ERVMER34-1: variants seen among roughly 807,000 people sequenced by gnomAD.
The protein encoded by ERVMER34-1 is endogenous retrovirus group MER34 member 1, envelope.
For missense variants in ERVMER34-1, 471 were observed against 295.1 expected (o/e 1.60, Z -4.37); for synonymous variants, 199 against 111.7 (o/e 1.78, Z -4.93).
intron 2 of ERVMER34-1, among the ~76,000 whole-genome samples, chr4:52,747,902 C>A (rs9994386): frequency 6.6e-6 from 1 of 152,078 alleles, no homozygotes; most frequent in East Asian, 1.9e-4. Context: ...CCAGGCGTGG[C>A]GGCATATGCC....
Position 52,745,246 on chromosome 4 carries a change from G to T in ERVMER34-1, c.275C>A (p.Thr92Asn), listed in dbSNP as rs769462408. ...CCAAGTCACTTTACGATAGGAGGAA[G>T]TAGAGTGATTCTGTACTTCTGCTTG... ...YPQAEVQNHS[T>N]SSYRKVTWHW... The change falls in exon 3 of 3, where the codon ACT (threonine) becomes AAT (asparagine). Residue 92 changes from threonine (T) to asparagine (N), a missense_variant. Coordinates refer to ENST00000443173, the MANE Select transcript of ERVMER34-1 (RefSeq NM_001242690.2). The T allele has an allele frequency of 4.4e-5, 31 of 704,080 alleles. No homozygotes were observed. The highest frequency in any genetic ancestry group is 4.1e-4 in the South Asian group (28 of 67,600). The allele number at this position is 704,080 out of a possible 1,614,324, so 43.6% of individuals were successfully genotyped here.
chr4:52,744,270 G>A lies in ERVMER34-1; in HGVS notation c.1251C>T (p.Ala417=), dbSNP rs974424081. The A allele has an allele frequency of 7.1e-6, 5 of 704,124 alleles. No homozygotes were observed. Among genetic ancestry groups the A allele is most frequent in the Admixed American group, 6.0e-5 (3 of 50,018 alleles). 43.6% of individuals were successfully genotyped at this position (704,124 alleles called of 1,614,324 possible). A position where few individuals can be genotyped will look rare whatever the true frequency, so the allele number is the denominator to read the frequency against. ...AGACATGATCCTTTCGGGATGCAGA[G>A]GCTAAACTGCTAACTTTTGATTGGT... is the stretch of plus-strand genomic sequence containing the variant. ...EAHQSKVSSL[A]SASRKDHVLD... The change falls in exon 3 of 3, where the codon GCC becomes GCT. Residue 417 remains alanine (A), a synonymous_variant. Transcript: ENST00000443173.
rs777686965 is a variant in ERVMER34-1 at position 52,745,143 on chromosome 4, G to T, written c.378C>A (p.Cys126Ter). The T allele has an allele frequency of 4.3e-6, 3 of 704,006 alleles. No individual in the cohort carries two copies. The highest frequency in any genetic ancestry group is 1.5e-5 in the South Asian group (1 of 67,600). The allele number at this position is 704,006 out of a possible 1,614,324, so 43.6% of individuals were successfully genotyped here. ...GTCCACTGCCATTTTTATTTTCTAC[G>T]CAAAGAGAAAAATTTCCCTCCAATA... ...VRLLEGNFSLCVENKNGSGPF... is the reference protein window; with the variant it reads ...VRLLEGNFSL The change falls in exon 3 of 3, where the codon TGC (cysteine) becomes TGA (stop). Residue 126 changes from cysteine (C) to a stop codon, truncating the protein, a stop_gained. Transcript: ENST00000443173. LOFTEE classifies it low-confidence loss of function (END_TRUNC).
At chr4:52,746,058 A>G (rs1293185493) in intron 2 of ERVMER34-1, 115 bp from the exon 3 acceptor site, 2 of 154,408 alleles carry the variant, frequency 1.3e-5, no homozygotes, top group Admixed American at 1.3e-4. Context: ...TGAATTGTTC[A>G]CTGAAGTCCT....
Position 52,745,234 on chromosome 4 carries a change from C to A in ERVMER34-1, c.287G>T (p.Arg96Leu), listed in dbSNP as rs1455242905. 1.4e-6 allele frequency: 1 copy of A among 704,018 alleles called. No homozygotes were observed. Among genetic ancestry groups the A allele is most frequent in the Non-Finnish European group, 2.6e-6 (1 of 384,986 alleles). 43.6% of individuals were successfully genotyped at this position (704,018 alleles called of 1,614,324 possible). ...EVQNHSTSSYRKVTWHWEASM... is the reference protein window; with the variant it reads ...EVQNHSTSSYLKVTWHWEASM... ...GGCTTCCCAGTGCCAAGTCACTTTA[C>A]GATAGGAGGAAGTAGAGTGATTCTG... Residue 96 changes from arginine (R) to leucine (L), a missense_variant, in exon 3 of 3, where the codon CGT becomes CTT. Transcript: ENST00000443173.
Position 52,744,597 on chromosome 4 carries a change from C to T in ERVMER34-1, c.924G>A (p.Gly308=), listed in dbSNP as rs747989896. 1.4e-6 allele frequency: 1 copy of T among 704,024 alleles called. No homozygotes were observed. The highest frequency in any genetic ancestry group is 2.7e-5 in the East Asian group (1 of 37,280). The allele number at this position is 704,024 out of a possible 1,614,324, so 43.6% of individuals were successfully genotyped here. ...ATCGCCCAGACCATTTAGGTGGAAA[C>T]CCTTTGTACACCCCATTGCCGCACA... The part of the protein sequence containing the change: ...FFLCGNGVYK[G]FPPKWSGRCG... The change falls in exon 3 of 3, where the codon GGG becomes GGA. Residue 308 remains glycine (G), a synonymous_variant. Transcript: ENST00000443173.
rs1399753355 is a variant in ERVMER34-1, at chr4:52,745,774, C to T, written c.-254G>A. The T allele has an allele frequency of 1.4e-5, 7 of 492,268 alleles. No individual in the cohort carries two copies. The highest frequency in any genetic ancestry group is 1.5e-5 in the Non-Finnish European group (4 of 275,728). 30.5% of individuals were successfully genotyped at this position (492,268 alleles called of 1,614,324 possible). A position where few individuals can be genotyped will look rare whatever the true frequency, so the allele number is the denominator to read the frequency against. On this transcript the variant is annotated 5_prime_UTR_variant, in exon 3 of 3. Coordinates refer to ENST00000443173, the MANE Select transcript of ERVMER34-1 (RefSeq NM_001242690.2). The stretch of plus-strand genomic sequence containing the variant: ...TGAGGTAACCCATAGCCTTGGCCTT[C>T]CAGTTGTCATATAATGATCTCAATC...
chr4:52,748,545 C>T (rs910566371), intron 2 of ERVMER34-1, among the ~76,000 whole-genome samples: 1 of 152,120 alleles, frequency 6.6e-6, no homozygotes, highest in African/African-American at 2.4e-5. Flanking sequence ...CTCAAACTCA[C>T]CCGCAAAGGC....
rs1041780226 is a variant in ERVMER34-1 at position 52,743,072 on chromosome 4, G to C, written c.*757C>G. On this transcript the variant is annotated 3_prime_UTR_variant, in exon 3 of 3. Transcript: ENST00000443173. Reference sequence around the variant, plus strand: ...GGATTAACTAGAAAGATGCATGTAAGGAACTCACCAGAGGACTGGGCAGAG... The same window carrying C: ...GGATTAACTAGAAAGATGCATGTAACGAACTCACCAGAGGACTGGGCAGAG... 2 of 151,508 alleles carry C rather than the reference G, an allele frequency of 1.3e-5. No individual in the cohort carries two copies. The highest frequency in any genetic ancestry group is 4.9e-5 in the African/African-American group (2 of 41,204). 9.4% of individuals were successfully genotyped at this position (151,508 alleles called of 1,614,324 possible).
At position 52,743,746 on chromosome 4, in the gene ERVMER34-1, G is replaced by A. The variant is rs1408847414; in HGVS notation, c.*83C>T. The A allele has an allele frequency of 7.7e-7, 1 of 1,305,132 alleles. No individual in the cohort carries two copies. Among genetic ancestry groups the A allele is most frequent in the Non-Finnish European group, 1.0e-6 (1 of 981,420 alleles). 80.8% of individuals were successfully genotyped at this position (1,305,132 alleles called of 1,614,324 possible). On this transcript the variant is annotated 3_prime_UTR_variant, in exon 3 of 3. Coordinates refer to ENST00000443173, the MANE Select transcript of ERVMER34-1 (RefSeq NM_001242690.2). ...GAACACTCAGAGGAGGGTTTTGGCA[G>A]CTGAATTCTCGGTAAGACCTGCTTT... is the stretch of plus-strand genomic sequence containing the variant.
At position 52,743,832 on chromosome 4, in the gene ERVMER34-1, A is replaced by G. The variant is rs2109412784; in HGVS notation, c.1689T>C (p.Leu563=). 1 of 1,483,390 alleles carries G rather than the reference A, an allele frequency of 6.7e-7. No homozygotes were observed. The highest frequency in any genetic ancestry group is 8.9e-7 in the Non-Finnish European group (1 of 1,122,958). The allele number at this position is 1,483,390 out of a possible 1,614,324, so 91.9% of individuals were successfully genotyped here. Residue 563 remains leucine (L), a synonymous_variant, in exon 3 of 3, where the codon CTT becomes CTC. Transcript: ENST00000443173. Reference sequence around the variant, plus strand: ...GCTGCTGTTTGTTCAGATATTCTCAAAGTAGACTTGTGTCATATTGATGGG... The same window carrying G: ...GCTGCTGTTTGTTCAGATATTCTCAGAGTAGACTTGTGTCATATTGATGGG... ...LTTHQYDTSL[L]
rs1459617027 is a variant in ERVMER34-1, at chr4:52,742,985, AT to A, written c.*843del. 6.6e-6 allele frequency: 1 copy of A among 151,930 alleles called. No homozygotes were observed. The highest frequency in any genetic ancestry group is 6.6e-5 in the Admixed American group (1 of 15,240). The allele number at this position is 151,930 out of a possible 1,614,324, so 9.4% of individuals were successfully genotyped here. On this transcript the variant is annotated 3_prime_UTR_variant, in exon 3 of 3. Transcript: ENST00000443173. ...CATCTTGCTATTTTTCAGTAATAGT[AT>A]AATCTTTAGCAAGCTATCTACCCTT...
rs144070623 is a variant in ERVMER34-1 at position 52,748,437 on chromosome 4, A to T, written c.-424+2493T>A. Among the ~76,000 whole-genome samples the T allele has an allele frequency of 3.2e-4, 48 of 152,338 alleles. 1 individual carries two copies. In the East Asian group the frequency reaches 9.1e-3, roughly 29 times the overall value. On this transcript the variant is annotated intron_variant, in intron 2 of 2. Transcript: ENST00000443173. ...TGCTTTCACCTGAGAACATCTGAAG[A>T]CTGGCTGACTCTGGTCATAATGCCT...
chr4:52,744,096 A>T lies in ERVMER34-1; in HGVS notation c.1425T>A (p.Asp475Glu), dbSNP rs752364290. The part of the protein sequence containing the change: ...SENLKNVPLL[D>E]WQGIFAKVGD... ...CCACTTTTGCAAATATGCCTTGCCA[A>T]TCAAGTAACGGTACATTCTTCAGGT... is the stretch of plus-strand genomic sequence containing the variant. The change falls in exon 3 of 3, where the codon GAT becomes GAA. Residue 475 changes from aspartate (D) to glutamate (E), a missense_variant. Asp to Glu is a conservative substitution (Grantham distance 45). Coordinates refer to ENST00000443173, the MANE Select transcript of ERVMER34-1 (RefSeq NM_001242690.2). 5 of 704,224 alleles carry T rather than the reference A, an allele frequency of 7.1e-6. No individual in the cohort carries two copies. The highest frequency in any genetic ancestry group is 1.3e-5 in the Non-Finnish European group (5 of 385,048). 43.6% of individuals were successfully genotyped at this position (704,224 alleles called of 1,614,324 possible).
chr4:52,750,301 C>G (rs867211891), intron 2 of ERVMER34-1, among the ~76,000 whole-genome samples: 1 of 152,238 alleles, frequency 6.6e-6, no homozygotes, highest in South Asian at 2.1e-4. Context: ...GCCCTACCCC[C>G]CCATAGATTC....
chr4:52,744,299 C>A lies in ERVMER34-1; in HGVS notation c.1222G>T (p.Ala408Ser), dbSNP rs1212142317. 1.4e-6 allele frequency: 1 copy of A among 704,092 alleles called. No homozygotes were observed. The highest frequency in any genetic ancestry group is 1.7e-5 in the African/African-American group (1 of 57,354). 43.6% of individuals were successfully genotyped at this position (704,092 alleles called of 1,614,324 possible). A position where few individuals can be genotyped will look rare whatever the true frequency, so the allele number is the denominator to read the frequency against. ...EFSATKQTLE[A>S]HQSKVSSLAS... ...AAACTGCTAACTTTTGATTGGTGTG[C>A]TTCCAAGGTCTGCTTAGTGGCACTG... The change falls in exon 3 of 3, where the codon GCA (alanine) becomes TCA (serine). Residue 408 changes from alanine to serine, a missense_variant. Physicochemically the swap from Ala to Ser is moderately conservative, Grantham distance 99 (BLOSUM62 1). Coordinates refer to ENST00000443173, the MANE Select transcript of ERVMER34-1 (RefSeq NM_001242690.2).
chr4:52,745,195 T>A lies in ERVMER34-1; in HGVS notation c.326A>T (p.Gln109Leu), dbSNP rs1716120553. 4 of 703,974 alleles carry A rather than the reference T, an allele frequency of 5.7e-6. No individual in the cohort carries two copies. The highest frequency in any genetic ancestry group is 1.0e-5 in the Non-Finnish European group (4 of 384,994). 43.6% of individuals were successfully genotyped at this position (703,974 alleles called of 1,614,324 possible). ...CCTTACTTGAGCAAAGGATAGACCT[T>A]GAGCTTCCATGGAGGCTTCCCAGTG... ...TWHWEASMEAQGLSFAQVRLL... is the reference protein window; with the variant it reads ...TWHWEASMEALGLSFAQVRLL... The change falls in exon 3 of 3, where the codon CAA (glutamine) becomes CTA (leucine). Residue 109 changes from glutamine (Q) to leucine (L), a missense_variant. Physicochemically the swap from Gln to Leu is moderately radical, Grantham distance 113. Coordinates refer to ENST00000443173, the MANE Select transcript of ERVMER34-1 (RefSeq NM_001242690.2).
rs1339224776 is a variant in ERVMER34-1 at position 52,744,847 on chromosome 4, T to A, written c.674A>T (p.Asn225Ile). 2.8e-6 allele frequency: 2 copies of A among 704,006 alleles called. No individual in the cohort carries two copies. The highest frequency in any genetic ancestry group is 3.0e-5 in the South Asian group (2 of 67,610). 43.6% of individuals were successfully genotyped at this position (704,006 alleles called of 1,614,324 possible). A position where few individuals can be genotyped will look rare whatever the true frequency, so the allele number is the denominator to read the frequency against. ...TTGGCAGCTATAGAGACAGGTGTCA[T>A]TACCTGACCAGGTCAATCCAGAATT... ...DRNSGLTWSG[N>I]DTCLYSCQNQ... Residue 225 changes from asparagine to isoleucine, a missense_variant, in exon 3 of 3, where the codon AAT becomes ATT. Physicochemically the swap from Asn to Ile is moderately radical, Grantham distance 149 (BLOSUM62 -3). Transcript: ENST00000443173.
Position 52,743,299 on chromosome 4 carries a change from A to G in ERVMER34-1, c.*530T>C, listed in dbSNP as rs574256182. 3 of 152,402 alleles carry G rather than the reference A, an allele frequency of 2.0e-5. No individual in the cohort carries two copies. Among genetic ancestry groups the G allele is most frequent in the African/African-American group, 7.2e-5 (3 of 41,574 alleles). 9.4% of individuals were successfully genotyped at this position (152,402 alleles called of 1,614,324 possible). A position where few individuals can be genotyped will look rare whatever the true frequency, so the allele number is the denominator to read the frequency against. On this transcript the variant is annotated 3_prime_UTR_variant, in exon 3 of 3. Coordinates refer to ENST00000443173, the MANE Select transcript of ERVMER34-1 (RefSeq NM_001242690.2). ...TCTCCCTAAAGTAAGTTTTCAGTCA[A>G]TTCTGATGACTACCCAATATTTATT...
Sources: allele counts gnomAD v4.1 joint callset (sites outside exome capture counted in the v4.1 genomes callset), GRCh38; gene constraint gnomAD v4.1.1; transcripts MANE v1.5; gene names NCBI Gene and HGNC (gene_info 2026-07-23, HGNC 2026-07-21).